The following TTN variants were observed in gnomAD, a reference collection of about 807,000 sequenced individuals.
The protein encoded by TTN is connectin.
A neutral mutation model predicts 3,223.0 loss-of-function variants in TTN; 1,525 were observed. That is an observed-to-expected ratio of 0.47 (90% CI 0.45 to 0.49). TTN has a LOEUF of 0.49. TTN is among the 20% of genes least tolerant of loss of function. The pLI, the probability that TTN is intolerant of heterozygous loss-of-function variation, is 0.00. For missense variants in TTN, 40,786 were observed against 43,424.0 expected (o/e 0.94, Z 5.40); for synonymous variants, 14,094 against 15,161.0 (o/e 0.93, Z 5.17).
chr2:178,781,829 C>G (rs1392825842), intron 20 of TTN, among the ~76,000 whole-genome samples: 1 of 151,984 alleles, frequency 6.6e-6, no homozygotes, highest in Non-Finnish European at 1.5e-5. Context: ...TTCTTCATTA[C>G]ATGGCTATTC....
intron 111 of TTN, 42 bp downstream of exon 111, chr2:178,701,077 GT>G: frequency 6.3e-7 from 1 of 1,592,484 alleles, no homozygotes; most frequent in Middle Eastern, 1.7e-4. Flanking sequence ...GGTCAGCAGA[GT>G]GAAATTCTTA....
rs1574084317 is a variant in TTN, at chr2:178,740,780, C to G, written c.12453G>C (p.Gln4151His). ...QPLKEPSPNL[Q>H]LQIVQSQKTF... is the part of the protein sequence containing the mutation. Reference sequence around the variant, plus strand: ...TTTTCTGGGACTGTACAATCTGCAGCTGTAGGTTGGGAGATGGTTCCTTGA... The same window carrying G: ...TTTTCTGGGACTGTACAATCTGCAGGTGTAGGTTGGGAGATGGTTCCTTGA... Residue 4151 changes from glutamine (Q) to histidine (H), a missense_variant, in exon 48 of 363, where the codon CAG becomes CAC. Gln to His is a conservative substitution (Grantham distance 24). Coordinates refer to ENST00000589042, the MANE Select transcript of TTN (RefSeq NM_001267550.2). The G allele has an allele frequency of 6.2e-7, 1 of 1,613,514 alleles. No individual in the cohort carries two copies. Among genetic ancestry groups the G allele is most frequent in the African/African-American group, 1.3e-5 (1 of 74,968 alleles).
chr2:178,653,402 A>G (rs755454606), intron 197 of TTN, 25 bp downstream of exon 197: 2 of 1,602,350 alleles, frequency 1.2e-6, no homozygotes, highest in Non-Finnish European at 1.7e-6. Flanking sequence ...GGATCTTCTG[A>G]AGCTTAAGGT....
rs886038721 is a variant in TTN, at chr2:178,531,276, T to C, written c.105339A>G (p.Ser35113=). 2 of 1,613,894 alleles carry C rather than the reference T, an allele frequency of 1.2e-6. No homozygotes were observed. The highest frequency in any genetic ancestry group is 1.7e-6 in the Non-Finnish European group (2 of 1,179,890). The change falls in exon 358 of 363, where the codon TCA becomes TCG. Residue 35113 remains serine (S), a synonymous_variant. Coordinates refer to ENST00000589042, the MANE Select transcript of TTN (RefSeq NM_001267550.2). ...EMKSAALEEK[S]LEEKSTTRKI... ...TTCTGGTTGTGGATTTTTCTTCCAG[T>C]GACTTTTCTTCTAATGCAGCACTTT... is the stretch of plus-strand genomic sequence containing the variant.
At position 178,561,890 on chromosome 2, in the gene TTN, T is replaced by G; in HGVS notation, c.84242A>C (p.Tyr28081Ser). 1 of 1,613,648 alleles carries G rather than the reference T, an allele frequency of 6.2e-7. No homozygotes were observed. The highest frequency in any genetic ancestry group is 8.5e-7 in the Non-Finnish European group (1 of 1,179,732). The change falls in exon 326 of 363, where the codon TAT becomes TCT. Residue 28081 changes from tyrosine to serine, a missense_variant. By Grantham distance (144) the Tyr-to-Ser change is moderately radical. Transcript: ENST00000589042. ...SITISWNPPE[Y>S]DGGCQISNYI... ...ATTGCTAATTTGGCAGCCACCATCA[T>G]ATTCTGGAGGATTCCAAGAAATGGT...
Position 178,557,277 on chromosome 2 carries a change from G to T in TTN, c.87985C>A (p.Pro29329Thr). The T allele has an allele frequency of 6.2e-7, 1 of 1,613,864 alleles. No individual in the cohort carries two copies. Among genetic ancestry groups the T allele is most frequent in the African/African-American group, 1.3e-5 (1 of 75,056 alleles). ...GVGKPSHPSE[P>T]VLAIDACEPP... ...CCACAAGCATCAATTGCCAAGACTGGTTCAGAAGGATGGCTAGGTTTTCCA... is the reference window on the plus strand; with the variant it reads ...CCACAAGCATCAATTGCCAAGACTGTTTCAGAAGGATGGCTAGGTTTTCCA... The change falls in exon 329 of 363, where the codon CCA becomes ACA. Residue 29329 changes from proline to threonine, a missense_variant. Pro to Thr is a conservative substitution (Grantham distance 38, BLOSUM62 -1). Coordinates refer to ENST00000589042, the MANE Select transcript of TTN (RefSeq NM_001267550.2).
In TTN at chr2:178,569,523, G is replaced by A. The variant is rs527631472; in HGVS notation, c.76609C>T (p.Arg25537Cys). The A allele has an allele frequency of 3.1e-6, 5 of 1,612,424 alleles. No homozygotes were observed. The highest frequency in any genetic ancestry group is 2.2e-5 in the East Asian group (1 of 44,724). The stretch of plus-strand genomic sequence containing the variant: ...CCCCATTTAACTTCTGGTGTAGGAC[G>A]ACCTTTTATAGGAACAAATAACCTT... ...SLRLFVPIKG[R>C]PTPEVKWGKV... is the part of the protein sequence containing the mutation. Residue 25537 changes from arginine (R) to cysteine (C), a missense_variant, in exon 326 of 363, where the codon CGT becomes TGT. By Grantham distance (180) the Arg-to-Cys change is radical. Coordinates refer to ENST00000589042, the MANE Select transcript of TTN (RefSeq NM_001267550.2).
At position 178,733,328 on chromosome 2, in the gene TTN, G is replaced by A. The variant is rs758182029; in HGVS notation, c.15965C>T (p.Ser5322Leu). Residue 5322 changes from serine (S) to leucine (L), a missense_variant, in exon 54 of 363, where the codon TCA (serine) becomes TTA (leucine). Physicochemically the swap from Ser to Leu is moderately radical, Grantham distance 145 (BLOSUM62 -2). Transcript: ENST00000589042. The stretch of plus-strand genomic sequence containing the variant: ...TTGGCCACTGTCGTGCAGCTCAGCT[G>A]AATAAAATTTGAGCTGGGCAACATT... ...KNNVAQLKFYSAELHDSGQYT... is the reference protein window; with the variant it reads ...KNNVAQLKFYLAELHDSGQYT... 38 of 1,613,668 alleles carry A rather than the reference G, an allele frequency of 2.4e-5. No individual in the cohort carries two copies. The highest frequency in any genetic ancestry group is 3.1e-5 in the Non-Finnish European group (36 of 1,179,778).
At chr2:178,582,614 G>C in intron 313 of TTN, 22 bp from the exon 314 acceptor site, 1 of 1,580,478 alleles carries the variant, frequency 6.3e-7, no homozygotes, top group Non-Finnish European at 8.6e-7. Context: ...AGGAAGAAGA[G>C]TGAATATGTG....
chr2:178,640,473 G>A (rs534477802), intron 221 of TTN, 68 bp downstream of exon 221: 2 of 1,357,230 alleles, frequency 1.5e-6, no homozygotes, highest in Admixed American at 1.9e-5. Flanking sequence ...TGATGTCAGT[G>A]TAATGATATT....
At chr2:178,529,770 A>G (rs1254754807) in intron 359 of TTN, among the ~76,000 whole-genome samples, 190 bp downstream of exon 359, 1 of 152,248 alleles carries the variant, frequency 6.6e-6, no homozygotes, top group East Asian at 1.9e-4. Context: ...ACTGCTTTTT[A>G]TGCTCATAGA....
rs920055688 is a variant in TTN, at chr2:178,593,994, A to T, written c.58399T>A (p.Ser19467Thr). 3.7e-6 allele frequency: 6 copies of T among 1,613,466 alleles called. No homozygotes were observed. Among genetic ancestry groups the T allele is most frequent in the African/African-American group, 1.3e-5 (1 of 74,914 alleles). Residue 19467 changes from serine to threonine, a missense_variant, in exon 297 of 363, where the codon TCT becomes ACT. Physicochemically the swap from Ser to Thr is moderately conservative, Grantham distance 58. Coordinates refer to ENST00000589042, the MANE Select transcript of TTN (RefSeq NM_001267550.2). Reference sequence around the variant, plus strand: ...TTAACTTGACAGAAACCTTTCCTAGAGCCTGTACTGTTCTCCACAACCACA... The same window carrying T: ...TTAACTTGACAGAAACCTTTCCTAGTGCCTGTACTGTTCTCCACAACCACA... ...YCVVVENSTGSRKGFCQVNVV... is the reference protein window; with the variant it reads ...YCVVVENSTGTRKGFCQVNVV...
At chr2:178,595,311 A>G (rs2051250416) in intron 295 of TTN, among the ~76,000 whole-genome samples, 196 bp downstream of exon 295, 1 of 151,948 alleles carries the variant, frequency 6.6e-6, no homozygotes, top group Non-Finnish European at 1.5e-5. Flanking sequence ...AAGAAATTCA[A>G]TGAATTATAC....
rs1368497531 is a variant in TTN, at chr2:178,539,879, T to C, written c.98186A>G (p.Lys32729Arg). Residue 32729 changes from lysine (K) to arginine (R), a missense_variant, in exon 352 of 363, where the codon AAA becomes AGA. By Grantham distance (26) the Lys-to-Arg change is conservative (BLOSUM62 2). Coordinates refer to ENST00000589042, the MANE Select transcript of TTN (RefSeq NM_001267550.2). ...TTTACATATTGGGAATGGTTTTCCT[T>C]TGATTGGTATGGTAAGTCTGATGAC... is the stretch of plus-strand genomic sequence containing the variant. ...GGVIRLTIPI[K>R]GKPFPICKWT... The C allele has an allele frequency of 1.2e-6, 2 of 1,613,834 alleles. No individual in the cohort carries two copies. The highest frequency in any genetic ancestry group is 2.2e-5 in the East Asian group (1 of 44,864).
chr2:178,735,422 G>A (rs2081276057), intron 50 of TTN, 89 bp downstream of exon 50: 1 of 1,226,014 alleles, frequency 8.2e-7, no homozygotes, highest in Non-Finnish European at 1.1e-6. Context: ...TAATAACAAA[G>A]TGTACTGACT....
rs372250586 is a variant in TTN at position 178,720,547 on chromosome 2, G to C, written c.23215C>G (p.Arg7739Gly). 18 of 1,613,348 alleles carry C rather than the reference G, an allele frequency of 1.1e-5. No homozygotes were observed. Among genetic ancestry groups the C allele is most frequent in the Non-Finnish European group, 1.4e-5 (16 of 1,179,568 alleles). ...TTCTTGCTGTTTCTAACCTGCTTTCGATCTTTAACCCATACTACTTCAAAT... is the reference window on the plus strand; with the variant it reads ...TTCTTGCTGTTTCTAACCTGCTTTCCATCTTTAACCCATACTACTTCAAAT... The part of the protein sequence containing the change: ...PPFEVVWVKD[R>G]KQVRNSKKFK... Residue 7739 changes from arginine (R) to glycine (G), a missense_variant, in exon 80 of 363, where the codon CGA becomes GGA. By Grantham distance (125) the Arg-to-Gly change is moderately radical. Transcript: ENST00000589042.
In TTN at chr2:178,633,952, T is replaced by C. The variant is rs72650081; in HGVS notation, c.42547A>G (p.Thr14183Ala). 4 of 1,613,448 alleles carry C rather than the reference T, an allele frequency of 2.5e-6. No homozygotes were observed. Among genetic ancestry groups the C allele is most frequent in the Non-Finnish European group, 3.4e-6 (4 of 1,179,558 alleles). ...GAAGAGATGAGTACTGTTCTGCTTGTATGGAGTTTGGCATCATTTTTGAAC... is the reference window on the plus strand; with the variant it reads ...GAAGAGATGAGTACTGTTCTGCTTGCATGGAGTTTGGCATCATTTTTGAAC... ...VWFKNDAKLH[T>A]SRTVLISSEG... is the part of the protein sequence containing the mutation. Residue 14183 changes from threonine (T) to alanine (A), a missense_variant, in exon 231 of 363, where the codon ACA (threonine) becomes GCA (alanine). By Grantham distance (58) the Thr-to-Ala change is moderately conservative. Transcript: ENST00000589042.
In TTN at chr2:178,631,068, C is replaced by T. The variant is rs578020185; in HGVS notation, c.43980G>A (p.Gly14660=). Residue 14660 remains glycine, a synonymous_variant, in exon 237 of 363, where the codon GGG becomes GGA. Coordinates refer to ENST00000589042, the MANE Select transcript of TTN (RefSeq NM_001267550.2). The part of the protein sequence containing the change: ...SDIGQYTCDC[G]TDKTSGKLDI... The stretch of plus-strand genomic sequence containing the variant: ...CAAGTTTTCCTGAGGTCTTATCTGT[C>T]CCACAGTCACAGGTGTACTGTCCAA... 1 of 1,613,246 alleles carries T rather than the reference C, an allele frequency of 6.2e-7. No homozygotes were observed. Among genetic ancestry groups the T allele is most frequent in the Non-Finnish European group, 8.5e-7 (1 of 1,179,574 alleles).
At position 178,685,338 on chromosome 2, in the gene TTN, A is replaced by T. The variant is rs1411408397; in HGVS notation, c.32393-8T>A. 4 of 1,546,896 alleles carry T rather than the reference A, an allele frequency of 2.6e-6. No individual in the cohort carries two copies. Among genetic ancestry groups the T allele is most frequent in the Non-Finnish European group, 3.5e-6 (4 of 1,144,802 alleles). On this transcript the variant is annotated splice_region_variant and splice_polypyrimidine_tract_variant and intron_variant, in intron 128 of 362. Coordinates refer to ENST00000589042, the MANE Select transcript of TTN (RefSeq NM_001267550.2). ...TCTCCTGCCTCTCTGTCACTTGAAA[A>T]GATTATAAAATATGTTTGTAGAAAT...
Sources: allele counts gnomAD v4.1 joint callset (sites outside exome capture counted in the v4.1 genomes callset), GRCh38; gene constraint gnomAD v4.1.1; transcripts MANE v1.5; gene names NCBI Gene and HGNC (gene_info 2026-07-23, HGNC 2026-07-21).